CSNK2A1: variants seen among roughly 807,000 people sequenced by gnomAD.
The protein encoded by CSNK2A1 is casein kinase II subunit alpha.
A neutral mutation model predicts 62.9 loss-of-function variants in CSNK2A1; 10 were observed. The observed-to-expected ratio is 0.16, with a 90% CI of 0.10 to 0.27. The LOEUF (loss-of-function observed/expected upper bound fraction) is 0.27. CSNK2A1 is among the 10% of genes least tolerant of loss of function. CSNK2A1 has a pLI of 1.00. For missense variants in CSNK2A1, 160 were observed against 492.0 expected, an observed-to-expected ratio of 0.33 and a Z score of 6.38; for synonymous variants, 124 against 167.8, an observed-to-expected ratio of 0.74 and a Z score of 2.02.
chr20:485,088 AAAAAAAAAAAAAAAAAAAAAAATATAT>A (rs1436799316), intron 13 of CSNK2A1, among the ~76,000 whole-genome samples: 11 of 40,228 alleles, frequency 2.7e-4, no homozygotes, highest in African/African-American at 7.9e-4. Flanking sequence ...AAAAAAAAAA[AAAAAAAAAAAAAAAAAAAAAAATATAT>A]ATATATATAT....
At chr20:493,922 C>A (rs2018292166) in intron 8 of CSNK2A1, among the ~76,000 whole-genome samples, 1 of 151,788 alleles carries the variant, frequency 6.6e-6, no homozygotes, top group African/African-American at 2.4e-5. Context: ...TGTCATACTT[C>A]TTTCCTTTTT....
intron 1 of CSNK2A1, among the ~76,000 whole-genome samples, chr20:530,981 G>A (rs1257239748): frequency 6.6e-6 from 1 of 152,090 alleles, no homozygotes; most frequent in Non-Finnish European, 1.5e-5. Context: ...CTACTTGGGA[G>A]CCTGAGACAG....
At chr20:510,300 C>A (rs766151141) in intron 2 of CSNK2A1, 1 of 152,124 alleles carries the variant, frequency 6.6e-6, no homozygotes, top group East Asian at 1.9e-4. Context: ...CTCAGCCTCC[C>A]GAGTAGCTGG....
chr20:497,488 A>G (rs1350500220), intron 7 of CSNK2A1, among the ~76,000 whole-genome samples: 1 of 150,770 alleles, frequency 6.6e-6, no homozygotes, highest in Non-Finnish European at 1.5e-5. Context: ...GGATCTCACT[A>G]TGTCACCCAG....
chr20:523,125 T>C (rs1040204112), intron 2 of CSNK2A1, among the ~76,000 whole-genome samples: 3 of 152,318 alleles, frequency 2.0e-5, no homozygotes, highest in Admixed American at 1.3e-4. Flanking sequence ...AATATTTAAC[T>C]TGAAATGCTA....
In CSNK2A1 at chr20:480,543, AAAG is replaced by A. The variant is rs1232484347; in HGVS notation, c.*3415_*3417del. ...ACAAAAGTTCAGGTGTTCTGAGGAA[AAAG>A]AAGGGCAAGGGTAAGTGATGACAGT... On this transcript the variant is annotated 3_prime_UTR_variant, in exon 14 of 14. Coordinates refer to ENST00000217244, the MANE Select transcript of CSNK2A1 (RefSeq NM_177559.3). 7 of 152,212 alleles carry A rather than the reference AAAG, an allele frequency of 4.6e-5. No homozygotes were observed. Among genetic ancestry groups the A allele is most frequent in the African/African-American group, 1.4e-4 (6 of 41,454 alleles). 9.4% of individuals were successfully genotyped at this position (152,212 alleles called of 1,614,324 possible).
chr20:511,697 T>C (rs949998030), intron 2 of CSNK2A1, among the ~76,000 whole-genome samples: 1 of 98,020 alleles, frequency 1.0e-5, no homozygotes, highest in Non-Finnish European at 1.8e-5. Flanking sequence ...GCACTGTGTA[T>C]ATATATACAC....
intron 3 of CSNK2A1, 71 bp from the exon 4 acceptor site, chr20:505,300 T>A: frequency 9.4e-7 from 1 of 1,067,432 alleles, no homozygotes; most frequent in South Asian, 1.4e-5. Flanking sequence ...AGGAATCTAT[T>A]ACCAGCAGCT....
chr20:534,391 T>G (rs1458329490), intron 1 of CSNK2A1, among the ~76,000 whole-genome samples: 1 of 152,208 alleles, frequency 6.6e-6, no homozygotes, highest in African/African-American at 2.4e-5. Flanking sequence ...TCTTCATTAT[T>G]CTTTTACCTG....
rs4813683 is a variant in CSNK2A1, at chr20:500,207, T to C, written c.214-273A>G. On this transcript the variant is annotated intron_variant, in intron 4 of 13. Coordinates refer to ENST00000217244, the MANE Select transcript of CSNK2A1 (RefSeq NM_177559.3). Reference sequence around the variant, plus strand: ...AGCATTTCAATCATCAGTCTTGATGTTAATGTTTTAAAACATGTTAAACAT... The same window carrying C: ...AGCATTTCAATCATCAGTCTTGATGCTAATGTTTTAAAACATGTTAAACAT... 5,465 of 360,832 alleles carry C rather than the reference T, an allele frequency of 0.015. 98 individuals carry two copies. Among genetic ancestry groups the C allele is most frequent in the South Asian group, 0.027 (712 of 26,564 alleles). 22.4% of individuals were successfully genotyped at this position (360,832 alleles called of 1,614,324 possible). A position where few individuals can be genotyped will look rare whatever the true frequency, so the allele number is the denominator to read the frequency against.
At chr20:516,947 A>G (rs1391444678) in intron 2 of CSNK2A1, among the ~76,000 whole-genome samples, 1 of 152,230 alleles carries the variant, frequency 6.6e-6, no homozygotes, top group African/African-American at 2.4e-5. Context: ...TTTCTATAGC[A>G]AAGAATGAGG....
chr20:484,757 A>G (rs924460575), intron 13 of CSNK2A1, among the ~76,000 whole-genome samples: 1 of 151,966 alleles, frequency 6.6e-6, no homozygotes, highest in African/African-American at 2.4e-5. Context: ...ATGGTTCAAA[A>G]TACAAAAGGT....
chr20:503,842 T>G lies in CSNK2A1; in HGVS notation c.213+1276A>C, dbSNP rs543210505. On this transcript the variant is annotated intron_variant, in intron 4 of 13. Transcript: ENST00000217244. ...CAAATTTAACTTTTTTCTTTTAATT[T>G]ATGTGAATAACTTTTTAAATGGCTA... 55 of 396,064 alleles carry G rather than the reference T, an allele frequency of 1.4e-4. No homozygotes were observed. The South Asian group carries it at 7.3e-3, about 52-fold the overall frequency. The allele number at this position is 396,064 out of a possible 1,614,324, so 24.5% of individuals were successfully genotyped here.
chr20:528,691 A>C (rs1434306043), intron 1 of CSNK2A1, among the ~76,000 whole-genome samples: 1 of 151,930 alleles, frequency 6.6e-6, no homozygotes, highest in Non-Finnish European at 1.5e-5. Context: ...GGAAGTCCTA[A>C]GCTCAAGCAA....
intron 8 of CSNK2A1, chr20:494,443 T>C (rs1345045245): frequency 6.6e-6 from 1 of 152,234 alleles, no homozygotes; most frequent in Non-Finnish European, 1.5e-5. Flanking sequence ...TAAGCATATG[T>C]TTAGCTTTTC....
chr20:486,602 T>A lies in CSNK2A1; in HGVS notation c.974-140A>T, dbSNP rs1056650281. 5 of 800,170 alleles carry A rather than the reference T, an allele frequency of 6.2e-6. No homozygotes were observed. In the South Asian group the frequency reaches 1.2e-4, roughly 20 times the overall value. The allele number at this position is 800,170 out of a possible 1,614,324, so 49.6% of individuals were successfully genotyped here. On this transcript the variant is annotated intron_variant, in intron 12 of 13. Transcript: ENST00000217244. ...TTCCCCAAAGAACTTAAGGTGGCAATTGCCTTCACCATGAATTAGACAAGT... is the reference window on the plus strand; with the variant it reads ...TTCCCCAAAGAACTTAAGGTGGCAAATGCCTTCACCATGAATTAGACAAGT...
rs1318606821 is a variant in CSNK2A1 at position 526,194 on chromosome 20, T to TGAGCCCGTGGCTCATGCC, written c.-110+1721_-110+1738dup. Among the ~76,000 whole-genome samples, 4 of 150,792 alleles carry TGAGCCCGTGGCTCATGCC rather than the reference T, an allele frequency of 2.7e-5. No individual in the cohort carries two copies. The East Asian group carries it at 5.9e-4, about 22-fold the overall frequency. ...ATTGAGTCTTTAAAAATGCTCGTGC[T>TGAGCCCGTGGCTCATGCC]GAGCCCGTGGCTCATGCCTGTAATC... On this transcript the variant is annotated intron_variant, in intron 2 of 13. Coordinates refer to ENST00000217244, the MANE Select transcript of CSNK2A1 (RefSeq NM_177559.3).
At position 481,558 on chromosome 20, in the gene CSNK2A1, G is replaced by A. The variant is rs2017956807; in HGVS notation, c.*2403C>T. 7.5e-6 allele frequency: 1 copy of A among 133,692 alleles called. No individual in the cohort carries two copies. The highest frequency in any genetic ancestry group is 2.9e-5 in the African/African-American group (1 of 34,788). The allele number at this position is 133,692 out of a possible 1,614,324, so 8.3% of individuals were successfully genotyped here. A position where few individuals can be genotyped will look rare whatever the true frequency, so the allele number is the denominator to read the frequency against. ...ATGCTTCTGCAGTGACTCTTAAGTA[G>A]CATTTTTAAAAACTTCTATTTATTT... On this transcript the variant is annotated 3_prime_UTR_variant, in exon 14 of 14. Transcript: ENST00000217244.
chr20:491,902 C>T (rs746645864), intron 9 of CSNK2A1, among the ~76,000 whole-genome samples: 3 of 152,068 alleles, frequency 2.0e-5, no homozygotes, highest in Non-Finnish European at 2.9e-5. Flanking sequence ...GCAGCCTGGG[C>T]GACAGAGTGA....
Sources: allele counts gnomAD v4.1 joint callset (sites outside exome capture counted in the v4.1 genomes callset), GRCh38; gene constraint gnomAD v4.1.1; transcripts MANE v1.5; gene names NCBI Gene and HGNC (gene_info 2026-07-23, HGNC 2026-07-21).